Variants in MSRB3 observed in about 807,000 individuals in gnomAD.
MSRB3 encodes the protein methionine-R-sulfoxide reductase B3.
In MSRB3, 13 loss-of-function variants were observed where a neutral mutation model predicts 21.0. That is an observed-to-expected ratio of 0.62 (90% CI 0.40 to 0.98). The LOEUF (loss-of-function observed/expected upper bound fraction) is 0.98, where lower values mean the gene tolerates loss of function less well. Ranked by LOEUF, MSRB3 falls within the 50% of genes least tolerant of loss-of-function variation. MSRB3 has a pLI of 0.00. For missense variants in MSRB3, 199 were observed against 230.3 expected (o/e 0.86, Z 0.88); for synonymous variants, 87 against 88.6 (o/e 0.98, Z 0.10).
intron 5 of MSRB3, among the ~76,000 whole-genome samples, chr12:65,376,295 A>G (rs1418178294): frequency 2.6e-5 from 4 of 151,822 alleles, no homozygotes; most frequent in Admixed American, 6.6e-5. Context: ...AATTTTTTGT[A>G]TTTTTAGTAG....
intron 5 of MSRB3, among the ~76,000 whole-genome samples, chr12:65,377,407 G>A (rs975135869): frequency 1.2e-4 from 18 of 152,230 alleles, no homozygotes; most frequent in African/African-American, 4.3e-4. Context: ...CAATAGCTGG[G>A]ATTACAGGCG....
Position 65,379,208 on chromosome 12 carries a change from A to G in MSRB3, c.292+10182A>G, listed in dbSNP as rs528665388. The stretch of plus-strand genomic sequence containing the variant: ...CATCCATCCATCCATCCATCCATCC[A>G]TCCATCCATCTACCCATCCACCATC... On this transcript the variant is annotated intron_variant, in intron 5 of 6. Coordinates refer to ENST00000308259, the MANE Select transcript of MSRB3 (RefSeq NM_001031679.3). Among the ~76,000 whole-genome samples the G allele has an allele frequency of 3.2e-4, 48 of 151,922 alleles. No homozygotes were observed. The South Asian group carries it at 9.8e-3, about 31-fold the overall frequency.
chr12:65,465,843 T>C lies in MSRB3; in HGVS notation c.*2521T>C, dbSNP rs958870734. ...CAATCTCACAGAGAAAGCCCTAGTA[T>C]TTCCCAGTGACCCCAGGATTCCACG... On this transcript the variant is annotated 3_prime_UTR_variant, in exon 7 of 7. Coordinates refer to ENST00000308259, the MANE Select transcript of MSRB3 (RefSeq NM_001031679.3). The C allele has an allele frequency of 6.6e-6, 1 of 152,266 alleles. No homozygotes were observed. Among genetic ancestry groups the C allele is most frequent in the Non-Finnish European group, 1.5e-5 (1 of 68,088 alleles). 9.4% of individuals were successfully genotyped at this position (152,266 alleles called of 1,614,324 possible).
rs747526542 is a variant in MSRB3, at chr12:65,453,818, GCT to G, written c.387_388del (p.Gln130ValfsTer10). 1 of 1,613,416 alleles carries G rather than the reference GCT, an allele frequency of 6.2e-7. No homozygotes were observed. Among genetic ancestry groups the G allele is most frequent in the Non-Finnish European group, 8.5e-7 (1 of 1,179,410 alleles). ...GGGATGCACAGGGTGGAAACAAGCT[GCT>G]CTCAGGTGAGTTCATCCTTTCTGAA... On this transcript the variant is annotated frameshift_variant, in exon 6 of 7. Transcript: ENST00000308259. LOFTEE classifies it high-confidence loss of function.
At chr12:65,421,100 C>CT (rs1387654608) in intron 5 of MSRB3, among the ~76,000 whole-genome samples, 5 of 152,244 alleles carry the variant, frequency 3.3e-5, no homozygotes, top group South Asian at 4.2e-4. Flanking sequence ...ATAAGCATTC[C>CT]TTTTTTTCTG....
chr12:65,462,989 G>A (rs1456814445), intron 6 of MSRB3, among the ~76,000 whole-genome samples, 166 bp from the exon 7 acceptor site: 1 of 152,226 alleles, frequency 6.6e-6, no homozygotes, highest in African/African-American at 2.4e-5. Context: ...CGCAAAGCCT[G>A]CCAGAAACCA....
rs935476143 is a variant in MSRB3 at position 65,418,720 on chromosome 12, G to A, written c.293-35008G>A. The stretch of plus-strand genomic sequence containing the variant: ...CCCAGAGAGTACCCTGCTTCTGCTG[G>A]CTTAATGTCTCAGAACTTTGGTGTC... On this transcript the variant is annotated intron_variant, in intron 5 of 6. Transcript: ENST00000308259. 17 of 863,446 alleles carry A rather than the reference G, an allele frequency of 2.0e-5. No individual in the cohort carries two copies. In the African/African-American group the frequency reaches 2.0e-4, roughly 10 times the overall value. 53.5% of individuals were successfully genotyped at this position (863,446 alleles called of 1,614,324 possible).
chr12:65,452,767 A>G (rs1882912489), intron 5 of MSRB3, among the ~76,000 whole-genome samples: 3 of 152,178 alleles, frequency 2.0e-5, no homozygotes, highest in East Asian at 1.9e-4. Context: ...GTATTAACAC[A>G]AAGCACCAGG....
intron 4 of MSRB3, among the ~76,000 whole-genome samples, chr12:65,364,824 A>G (rs1003235825): frequency 2.6e-5 from 4 of 152,210 alleles, no homozygotes; most frequent in Non-Finnish European, 5.9e-5. Flanking sequence ...ACAAAGGACC[A>G]GTTTTCCCTA....
At chr12:65,320,957 A>G (rs1052381207) in intron 2 of MSRB3, among the ~76,000 whole-genome samples, 3 of 152,184 alleles carry the variant, frequency 2.0e-5, no homozygotes, top group African/African-American at 7.2e-5. Flanking sequence ...CATTCCTGCC[A>G]TGTGTTCGGA....
At chr12:65,429,644 A>G (rs775048618) in intron 5 of MSRB3, among the ~76,000 whole-genome samples, 3 of 152,206 alleles carry the variant, frequency 2.0e-5, no homozygotes, top group African/African-American at 4.8e-5. Flanking sequence ...CTGCAATAAG[A>G]GTAAGAGTGT....
In MSRB3 at chr12:65,411,360, C is replaced by T. The variant is rs948663044; in HGVS notation, c.292+42334C>T. On this transcript the variant is annotated intron_variant, in intron 5 of 6. Transcript: ENST00000308259. ...GTGTTGTTACTTTTTATATGTTTTACATATCTGTCTATTCTGTGGTTGAAT... is the reference window on the plus strand; with the variant it reads ...GTGTTGTTACTTTTTATATGTTTTATATATCTGTCTATTCTGTGGTTGAAT... Among the ~76,000 whole-genome samples the T allele has an allele frequency of 9.9e-5, 15 of 152,274 alleles. 1 individual carries two copies. The highest frequency in any genetic ancestry group is 2.1e-4 in the South Asian group (1 of 4,826).
intron 4 of MSRB3, among the ~76,000 whole-genome samples, chr12:65,343,160 A>G (rs1876254587): frequency 6.6e-6 from 1 of 152,140 alleles, no homozygotes; most frequent in African/African-American, 2.4e-5. Flanking sequence ...ATAATTTGAA[A>G]GAATGAATTA....
At chr12:65,288,197 G>A (rs1011809125) in intron 1 of MSRB3, among the ~76,000 whole-genome samples, 3 of 151,696 alleles carry the variant, frequency 2.0e-5, no homozygotes, top group African/African-American at 7.3e-5. Flanking sequence ...CAGCTACTCA[G>A]GAGGCTGAGG....
intron 5 of MSRB3, among the ~76,000 whole-genome samples, chr12:65,450,043 C>T (rs946876048): frequency 1.3e-5 from 2 of 151,922 alleles, no homozygotes; most frequent in African/African-American, 4.8e-5. Flanking sequence ...CAATTATGGG[C>T]TCAAGTAGAC....
intron 5 of MSRB3, among the ~76,000 whole-genome samples, chr12:65,450,072 G>C (rs117288456): frequency 2.6e-5 from 4 of 152,064 alleles, no homozygotes; most frequent in Non-Finnish European, 4.4e-5. Flanking sequence ...GATTTATTAA[G>C]CTACATTATG....
intron 5 of MSRB3, among the ~76,000 whole-genome samples, chr12:65,442,189 A>G (rs74654983): frequency 0.015 from 2,270 of 152,138 alleles, 67 homozygotes; most frequent in African/African-American, 0.052. Context: ...CCTATTCAGA[A>G]GTTGGAGAGG....
At chr12:65,322,765 C>T (rs1054964462) in intron 2 of MSRB3, among the ~76,000 whole-genome samples, 3 of 151,772 alleles carry the variant, frequency 2.0e-5, no homozygotes, top group African/African-American at 4.8e-5. Context: ...TGCTGTTTGT[C>T]CTTAATAAGG....
chr12:65,410,117 GTAAT>G (rs1178812165), intron 5 of MSRB3, among the ~76,000 whole-genome samples: 3 of 151,944 alleles, frequency 2.0e-5, no homozygotes, highest in African/African-American at 7.3e-5. Context: ...ATTTTATAAT[GTAAT>G]TATTCAACTT....
Sources: allele counts gnomAD v4.1 joint callset (sites outside exome capture counted in the v4.1 genomes callset), GRCh38; gene constraint gnomAD v4.1.1; transcripts MANE v1.5; gene names NCBI Gene and HGNC (gene_info 2026-07-23, HGNC 2026-07-21).